PTPRA: variants seen among roughly 807,000 people sequenced by gnomAD.
PTPRA encodes the protein receptor-type tyrosine-protein phosphatase alpha.
In PTPRA, 25 loss-of-function variants were observed where a neutral mutation model predicts 104.8. The ratio of observed to expected loss-of-function variants is 0.24; its 90% CI spans 0.17 to 0.33. PTPRA has a LOEUF of 0.33. PTPRA is among the 10% of genes least tolerant of loss of function. The probability of loss-of-function intolerance (pLI) is 1.00; values close to 1 mark genes in which losing one functional copy is unlikely to be tolerated. For synonymous variants in PTPRA, 323 were observed against 368.9 expected (o/e 0.88, Z 1.43); for missense variants, 765 against 1,015.3 (o/e 0.75, Z 3.35).
intron 2 of PTPRA, among the ~76,000 whole-genome samples, chr20:2,946,574 G>T (rs967508615): frequency 1.3e-5 from 2 of 152,116 alleles, no homozygotes; most frequent in Non-Finnish European, 2.9e-5. Context: ...AGTAGGCCGG[G>T]CATGGTGGCT....
intron 1 of PTPRA, among the ~76,000 whole-genome samples, chr20:2,876,320 C>T (rs2089716724): frequency 6.6e-6 from 1 of 152,106 alleles, no homozygotes; most frequent in Non-Finnish European, 1.5e-5. Flanking sequence ...CTACCCTGGC[C>T]CCAAGTCTCC....
chr20:2,905,748 G>T (rs2059405493), intron 1 of PTPRA, among the ~76,000 whole-genome samples: 1 of 139,764 alleles, frequency 7.2e-6, no homozygotes, highest in South Asian at 2.2e-4. Context: ...GCAATGGTGT[G>T]GTCTCAGCTC....
chr20:3,009,553 G>A (rs1001070069), intron 11 of PTPRA, among the ~76,000 whole-genome samples: 4 of 152,150 alleles, frequency 2.6e-5, no homozygotes, highest in African/African-American at 9.7e-5. Context: ...GGCAGTCCGG[G>A]CATTCTCACT....
chr20:2,987,885 C>G (rs375176003), intron 7 of PTPRA, 147 bp from the exon 8 acceptor site: 150 of 794,768 alleles, frequency 1.9e-4, no homozygotes, highest in Non-Finnish European at 3.1e-4. Flanking sequence ...GCTGCTGCCT[C>G]AGGGTGTGCA....
chr20:2,956,468 C>T (rs2061540029), intron 3 of PTPRA, among the ~76,000 whole-genome samples: 1 of 152,030 alleles, frequency 6.6e-6, no homozygotes, highest in Non-Finnish European at 1.5e-5. Flanking sequence ...ATTGAAGCCC[C>T]CTGTGATGTC....
At chr20:2,900,187 T>C (rs1342656537) in intron 1 of PTPRA, among the ~76,000 whole-genome samples, 1 of 152,086 alleles carries the variant, frequency 6.6e-6, no homozygotes, top group Admixed American at 6.6e-5. Context: ...AGATGGGGTC[T>C]TGCCCTGTCA....
chr20:2,988,411 G>A lies in PTPRA; in HGVS notation c.675G>A (p.Lys225=), dbSNP rs770773844. The A allele has an allele frequency of 6.2e-7, 1 of 1,613,086 alleles. No homozygotes were observed. The highest frequency in any genetic ancestry group is 8.5e-7 in the Non-Finnish European group (1 of 1,179,818). Residue 225 remains lysine (K), a synonymous_variant, in exon 9 of 24, where the codon AAG becomes AAA. Transcript: ENST00000399903. ...AATACCCACCCCTGCCCGTGGACAA[G>A]CTGGAAGAGGAAATTAACCGGAGAA... The part of the protein sequence containing the change: ...NRKYPPLPVD[K]LEEEINRRMA...
intron 7 of PTPRA, 45 bp from the exon 8 acceptor site, chr20:2,987,987 C>T: frequency 6.7e-7 from 1 of 1,485,902 alleles, no homozygotes; most frequent in Non-Finnish European, 9.4e-7. Context: ...ATTTGCCTCT[C>T]CCACCTCTGT....
At chr20:2,908,126 T>C (rs1233929084) in intron 1 of PTPRA, among the ~76,000 whole-genome samples, 2 of 152,184 alleles carry the variant, frequency 1.3e-5, no homozygotes, top group African/African-American at 4.8e-5. Context: ...AAACTTTCTA[T>C]TCCTTACCTT....
intron 20 of PTPRA, among the ~76,000 whole-genome samples, chr20:3,031,865 C>CT (rs1227621211): frequency 6.6e-6 from 1 of 152,106 alleles, no homozygotes; most frequent in African/African-American, 2.4e-5. Context: ...TTCCCTCATG[C>CT]TTTCTTACTT....
chr20:2,929,605 G>C (rs1296405587), intron 2 of PTPRA, among the ~76,000 whole-genome samples: 1 of 152,064 alleles, frequency 6.6e-6, no homozygotes, highest in African/African-American at 2.4e-5. Flanking sequence ...CAGGAGGATT[G>C]CTTGAGCTCA....
At chr20:2,872,791 G>C (rs535314447), upstream of PTPRA, among the ~76,000 whole-genome samples, 1 of 152,318 alleles carries the variant, frequency 6.6e-6, no homozygotes, top group South Asian at 2.1e-4. The surrounding 1 kb of genome is among the most constrained non-coding windows in gnomAD (Gnocchi z 7.9). Context: ...TCCTCTCTGC[G>C]TTTTGAGCCT....
the PTPRA span, chr20:2,866,430 C>T: frequency 9.3e-6 from 15 of 1,613,996 alleles, no homozygotes; most frequent in Admixed American, 1.0e-4. Flanking sequence ...CAAACCACAG[C>T]GATGTGGCTC....
In PTPRA at chr20:3,019,136, G is replaced by A. The variant is rs548259100; in HGVS notation, c.1041+1223G>A. On this transcript the variant is annotated intron_variant, in intron 13 of 23. Coordinates refer to ENST00000399903, the MANE Select transcript of PTPRA (RefSeq NM_001385305.1). ...GCGCCCCTCACCTCCTGGACGGGGC[G>A]GCTGGCCGGGCGGGGGGCTGATCCC... Among the ~76,000 whole-genome samples the A allele has an allele frequency of 2.0e-3, 297 of 145,162 alleles. No homozygotes were observed. In the Middle Eastern group the frequency reaches 0.023, roughly 11 times the overall value.
At chr20:2,886,457 G>A (rs1052091144) in intron 1 of PTPRA, among the ~76,000 whole-genome samples, 1 of 152,102 alleles carries the variant, frequency 6.6e-6, no homozygotes, top group South Asian at 2.1e-4. Context: ...TTTCTCTACT[G>A]TTGTATATGT....
At chr20:2,980,064 C>T (rs1228163806) in intron 6 of PTPRA, among the ~76,000 whole-genome samples, 1 of 152,008 alleles carries the variant, frequency 6.6e-6, no homozygotes, top group Non-Finnish European at 1.5e-5. Flanking sequence ...AGGCATGTGC[C>T]ACCACACCTG....
chr20:2,895,825 G>A (rs6051459), intron 1 of PTPRA, among the ~76,000 whole-genome samples: 28,184 of 151,958 alleles, frequency 0.19, 3,891 homozygotes, highest in African/African-American at 0.39. Flanking sequence ...TACCGCACCC[G>A]GCTTATTAAC....
chr20:3,032,528 G>C (rs184922218), intron 20 of PTPRA, among the ~76,000 whole-genome samples: 1 of 152,088 alleles, frequency 6.6e-6, no homozygotes, highest in East Asian at 1.9e-4. Flanking sequence ...AGCACTTTGG[G>C]AGGCCAAGGT....
chr20:2,925,588 C>T (rs967056115), intron 2 of PTPRA, among the ~76,000 whole-genome samples: 13 of 152,006 alleles, frequency 8.6e-5, no homozygotes, highest in Non-Finnish European at 1.5e-4. Flanking sequence ...CCGAGGCAGG[C>T]GGATCACTTG....
Sources: gnomAD v4.1 joint callset for allele counts (sites outside exome capture counted in the v4.1 genomes callset) on GRCh38, gnomAD v4.1.1 for gene constraint, Gnocchi (gnomAD v3.1) non-coding constraint, MANE v1.5 for transcripts, NCBI Gene and HGNC (gene_info 2026-07-23, HGNC 2026-07-21) for gene names.